Variants in ZFHX3 observed in about 807,000 individuals in gnomAD.
The protein encoded by ZFHX3 is zinc finger homeobox protein 3.
Under a neutral mutation model 279.1 loss-of-function variants are expected in ZFHX3, and 42 were observed. That is an observed-to-expected ratio of 0.15 (90% confidence interval 0.12 to 0.19). The LOEUF is 0.19. Ranked by LOEUF, ZFHX3 falls within the 10% of genes least tolerant of loss-of-function variation. The pLI, the probability that ZFHX3 is intolerant of heterozygous loss-of-function variation, is 1.00. For missense variants in ZFHX3, 4,981 were observed against 4,754.0 expected, an observed-to-expected ratio of 1.05 and a Z score of -1.40; for synonymous variants, 2,293 against 1,957.8, an observed-to-expected ratio of 1.17 and a Z score of -4.52.
chr16:73,709,047 C>T (rs9921127), intron 1 of ZFHX3, among the ~76,000 whole-genome samples: 1,962 of 152,174 alleles, frequency 0.013, 38 homozygotes, highest in African/African-American at 0.044. Flanking sequence ...TGACCTTCTT[C>T]GGTACCTATC....
chr16:72,842,533 A>T (rs2037370266), intron 4 of ZFHX3, among the ~76,000 whole-genome samples: 1 of 152,230 alleles, frequency 6.6e-6, no homozygotes, highest in Non-Finnish European at 1.5e-5. Flanking sequence ...AGATGAACTA[A>T]TCAAAGGGCA....
intron 2 of ZFHX3, among the ~76,000 whole-genome samples, chr16:73,676,588 G>T (rs2052956712): frequency 6.6e-6 from 1 of 151,732 alleles, no homozygotes; most frequent in African/African-American, 2.4e-5. Flanking sequence ...GAATCAAAAA[G>T]AAAATATAAA....
intron 4 of ZFHX3, among the ~76,000 whole-genome samples, chr16:73,257,838 G>C (rs2013702926): frequency 6.6e-6 from 1 of 152,244 alleles, no homozygotes. Context: ...ACTTAAGTGG[G>C]AGTAAAGTGG....
intron 1 of ZFHX3, among the ~76,000 whole-genome samples, chr16:73,798,481 G>T (rs1054251324): frequency 6.6e-6 from 1 of 152,040 alleles, no homozygotes; most frequent in Non-Finnish European, 1.5e-5. Flanking sequence ...CCAAAAAAAG[G>T]AAATGGGAAC....
intron 5 of ZFHX3, among the ~76,000 whole-genome samples, chr16:73,152,670 A>G (rs1652326019): frequency 1.3e-5 from 2 of 150,988 alleles, no homozygotes; most frequent in Non-Finnish European, 2.9e-5. Context: ...GATAAATCCT[A>G]AATAAATCAG....
At chr16:72,945,461 C>T (rs1013634992) in intron 3 of ZFHX3, among the ~76,000 whole-genome samples, 3 of 152,088 alleles carry the variant, frequency 2.0e-5, no homozygotes, top group African/African-American at 7.2e-5. Context: ...CCACCAGCAC[C>T]AACCATCAAG....
intron 1 of ZFHX3, among the ~76,000 whole-genome samples, chr16:73,813,239 C>T (rs1184031950): frequency 6.9e-6 from 1 of 145,920 alleles, no homozygotes; most frequent in Non-Finnish European, 1.5e-5. Flanking sequence ...TTCTCTCTCT[C>T]TCTCTCTCTC....
At chr16:73,043,001 T>C (rs1487972012) in intron 1 of ZFHX3, among the ~76,000 whole-genome samples, 2 of 151,940 alleles carry the variant, frequency 1.3e-5, no homozygotes, top group Non-Finnish European at 1.5e-5. Flanking sequence ...GGTGTGGCCT[T>C]GCAAGGGAGT....
At chr16:73,749,167 T>G (rs1168545980) in intron 1 of ZFHX3, among the ~76,000 whole-genome samples, 1 of 152,152 alleles carries the variant, frequency 6.6e-6, no homozygotes, top group Non-Finnish European at 1.5e-5. Context: ...ACTTCCCACA[T>G]GCACTTTGTA....
chr16:73,432,622 T>C (rs530270637), intron 3 of ZFHX3, among the ~76,000 whole-genome samples: 1 of 152,314 alleles, frequency 6.6e-6, no homozygotes, highest in Non-Finnish European at 1.5e-5. Context: ...CATGCCTCTT[T>C]GCCATGTAAT....
intron 2 of ZFHX3, among the ~76,000 whole-genome samples, chr16:73,478,848 C>T (rs1411938145): frequency 6.6e-6 from 1 of 152,182 alleles, no homozygotes; most frequent in South Asian, 2.1e-4. Context: ...GTCAGGAGTT[C>T]GAGACCAGCC....
chr16:73,891,037 A>AC (rs1456920332), intron 1 of ZFHX3, among the ~76,000 whole-genome samples: 1 of 19,588 alleles, frequency 5.1e-5, no homozygotes, highest in Non-Finnish European at 1.0e-4. Flanking sequence ...CCTCCACCTC[A>AC]CCCCCGCTCA....
intron 2 of ZFHX3, among the ~76,000 whole-genome samples, chr16:73,591,912 G>A (rs1327134506): frequency 6.6e-6 from 1 of 151,736 alleles, no homozygotes; most frequent in Admixed American, 6.6e-5. Flanking sequence ...TTTTAGGTAT[G>A]AACTGTTGGT....
In ZFHX3 at chr16:73,431,268, G is replaced by A. The variant is rs370723629; in HGVS notation, c.-1291+24735C>T. ...TTTTTTTTTTATGTCAGCCAGGCACGGTGGCTCACGCCTGTAATCCCAGCA... is the reference window on the plus strand; with the variant it reads ...TTTTTTTTTTATGTCAGCCAGGCACAGTGGCTCACGCCTGTAATCCCAGCA... On this transcript the variant is annotated intron_variant, in intron 3 of 17. Coordinates refer to the ZFHX3 transcript ENST00000641206. 1.1e-4 allele frequency among the ~76,000 whole-genome samples: 17 copies of A among 152,006 alleles called. No homozygotes were observed. The South Asian group carries it at 2.3e-3, about 20-fold the overall frequency.
intron 1 of ZFHX3, among the ~76,000 whole-genome samples, chr16:73,041,391 C>T (rs905783684): frequency 2.5e-5 from 3 of 118,736 alleles, no homozygotes; most frequent in African/African-American, 1.2e-4. Flanking sequence ...TCGACTGCCT[C>T]CGTTAAAAAA....
At chr16:72,969,806 C>T (rs1157618609) in intron 1 of ZFHX3, among the ~76,000 whole-genome samples, 1 of 152,184 alleles carries the variant, frequency 6.6e-6, no homozygotes, top group Admixed American at 6.5e-5. Context: ...ACTGCTGCTG[C>T]ACAGAAGTCA....
chr16:72,815,545 A>C (rs1427483284), intron 5 of ZFHX3, among the ~76,000 whole-genome samples: 2 of 152,204 alleles, frequency 1.3e-5, no homozygotes, highest in East Asian at 1.9e-4. Flanking sequence ...TCTCAGAATC[A>C]ATTTCTACTT....
intron 1 of ZFHX3, among the ~76,000 whole-genome samples, chr16:73,036,944 G>A (rs979118678): frequency 2.6e-5 from 4 of 152,158 alleles, no homozygotes; most frequent in African/African-American, 9.7e-5. Flanking sequence ...AACTTCCTAT[G>A]CCAATTTATT....
chr16:73,342,932 A>G (rs1005626482), intron 3 of ZFHX3, among the ~76,000 whole-genome samples: 2 of 152,188 alleles, frequency 1.3e-5, no homozygotes, highest in African/African-American at 2.4e-5. Flanking sequence ...CTTCCAACAG[A>G]GAGTTCTGAC....
Sources: gnomAD v4.1 joint callset for allele counts (sites outside exome capture counted in the v4.1 genomes callset) on GRCh38, gnomAD v4.1.1 for gene constraint, MANE v1.5 for transcripts, NCBI Gene and HGNC (gene_info 2026-07-23, HGNC 2026-07-21) for gene names.